Variants in KCNMA1 observed in about 807,000 individuals in gnomAD.
The protein encoded by KCNMA1 is potassium calcium-activated channel subfamily M alpha 1.
Under a neutral mutation model 140.0 loss-of-function variants are expected in KCNMA1, and 29 were observed. The ratio of observed to expected loss-of-function variants is 0.21; its 90% confidence interval spans 0.15 to 0.28. The LOEUF is 0.28. Among genes scored for constraint, KCNMA1 ranks in the 10% least tolerant of loss-of-function variants. The pLI, the probability that KCNMA1 is intolerant of heterozygous loss-of-function variation, is 1.00. For synonymous variants in KCNMA1, 612 were observed against 611.9 expected (o/e 1.00, Z 0.00); for missense variants, 880 against 1,602.2 (o/e 0.55, Z 7.70).
At chr10:76,908,520 AC>A (rs1444947739) in intron 25 of KCNMA1, among the ~76,000 whole-genome samples, 8 of 152,250 alleles carry the variant, frequency 5.3e-5, no homozygotes, top group Non-Finnish European at 1.0e-4. Context: ...ATACAGAATA[AC>A]CCAAATTAGT....
intron 5 of KCNMA1, among the ~76,000 whole-genome samples, chr10:77,159,410 T>C (rs1044563105): frequency 6.6e-6 from 1 of 152,162 alleles, no homozygotes; most frequent in South Asian, 2.1e-4. Flanking sequence ...ATGGGAAAGA[T>C]GGGCTTATGT....
At chr10:77,303,612 C>T (rs911573852) in intron 2 of KCNMA1, among the ~76,000 whole-genome samples, 11 of 152,186 alleles carry the variant, frequency 7.2e-5, no homozygotes, top group Non-Finnish European at 8.8e-5. Flanking sequence ...GCTTCCTCCA[C>T]CTTCCACTGT....
At chr10:77,243,879 G>A (rs1448322516) in intron 3 of KCNMA1, among the ~76,000 whole-genome samples, 1 of 152,096 alleles carries the variant, frequency 6.6e-6, no homozygotes, top group Non-Finnish European at 1.5e-5. Context: ...ATTAGTAGGA[G>A]GGTCATAAAA....
intron 25 of KCNMA1, among the ~76,000 whole-genome samples, chr10:76,896,460 G>A (rs34209871): frequency 0.29 from 43,952 of 152,006 alleles, 7,591 homozygotes; most frequent in Non-Finnish European, 0.38. Flanking sequence ...TGCAGTTAAC[G>A]GAATCATCAC....
intron 1 of KCNMA1, among the ~76,000 whole-genome samples, chr10:77,540,333 T>G (rs923733351): frequency 6.6e-6 from 1 of 152,224 alleles, no homozygotes; most frequent in Non-Finnish European, 1.5e-5. Context: ...GAGCACCTAC[T>G]GTGGGCTAAG....
At chr10:77,291,151 C>A (rs1026238943) in intron 2 of KCNMA1, among the ~76,000 whole-genome samples, 1 of 152,190 alleles carries the variant, frequency 6.6e-6, no homozygotes, top group Non-Finnish European at 1.5e-5. Flanking sequence ...CCAAGGGTTT[C>A]TGCCTTCCTT....
chr10:76,960,866 G>A (rs1351147291), intron 20 of KCNMA1, among the ~76,000 whole-genome samples: 1 of 151,876 alleles, frequency 6.6e-6, no homozygotes, highest in South Asian at 2.1e-4. Context: ...TTTTAATCCT[G>A]CTGTTGAGAC....
chr10:77,301,893 G>A (rs1464470631), intron 2 of KCNMA1, among the ~76,000 whole-genome samples: 4 of 150,828 alleles, frequency 2.7e-5, no homozygotes, highest in Non-Finnish European at 5.9e-5. Context: ...TCAGAAAGCA[G>A]AGTCCCAGAG....
intron 6 of KCNMA1, 134 bp downstream of exon 6, chr10:77,120,839 C>G: frequency 1.5e-6 from 1 of 676,588 alleles, no homozygotes; most frequent in Non-Finnish European, 2.7e-6. Flanking sequence ...TTCTCTCCCT[C>G]TCTGTGTTAG....
At chr10:77,138,887 C>T (rs2098110233) in intron 5 of KCNMA1, among the ~76,000 whole-genome samples, 1 of 152,192 alleles carries the variant, frequency 6.6e-6, no homozygotes, top group Non-Finnish European at 1.5e-5. Flanking sequence ...TGGAGGTCTT[C>T]TCTGACCACC....
At chr10:77,403,032 C>A (rs1236585528) in intron 2 of KCNMA1, among the ~76,000 whole-genome samples, 1 of 152,218 alleles carries the variant, frequency 6.6e-6, no homozygotes, top group Admixed American at 6.5e-5. Flanking sequence ...TTGCCCAGGA[C>A]TTTCCCAGTT....
intron 1 of KCNMA1, among the ~76,000 whole-genome samples, chr10:77,480,352 G>A (rs1337954161): frequency 6.6e-6 from 1 of 152,118 alleles, no homozygotes; most frequent in African/African-American, 2.4e-5. Context: ...GTGACCCAGG[G>A]CTCCAGCAGG....
At chr10:76,876,916 C>G (rs930707246), downstream of KCNMA1, 1 of 152,474 alleles carries the variant, frequency 6.6e-6, no homozygotes, top group Non-Finnish European at 1.5e-5. Flanking sequence ...GGAGTCTCCA[C>G]CACTAGAACA....
At chr10:77,053,763 C>G (rs1362399236) in intron 14 of KCNMA1, among the ~76,000 whole-genome samples, 2 of 152,178 alleles carry the variant, frequency 1.3e-5, no homozygotes, top group Admixed American at 6.5e-5. Flanking sequence ...GAAAGCCAAA[C>G]AGCACCTACC....
chr10:77,473,231 C>A (rs558019291), intron 1 of KCNMA1, among the ~76,000 whole-genome samples: 1 of 152,350 alleles, frequency 6.6e-6, no homozygotes, highest in Admixed American at 6.5e-5. Flanking sequence ...AACTGGCCAA[C>A]TTTCATCTCA....
chr10:76,992,449 C>T (rs1270735743), intron 19 of KCNMA1, among the ~76,000 whole-genome samples: 1 of 152,136 alleles, frequency 6.6e-6, no homozygotes, highest in Non-Finnish European at 1.5e-5. Flanking sequence ...GGAAAAAGGT[C>T]AGCTGGGGAA....
chr10:77,129,455 G>C (rs892336103), intron 5 of KCNMA1, among the ~76,000 whole-genome samples: 2 of 152,034 alleles, frequency 1.3e-5, no homozygotes, highest in African/African-American at 4.8e-5. Context: ...CCGTTAATCC[G>C]AGTAATCACT....
chr10:77,178,795 GAC>G (rs1408495546), intron 5 of KCNMA1, among the ~76,000 whole-genome samples: 2 of 152,200 alleles, frequency 1.3e-5, no homozygotes, highest in Non-Finnish European at 2.9e-5. Context: ...AAGAGAATGA[GAC>G]AGACGGACAT....
intron 2 of KCNMA1, among the ~76,000 whole-genome samples, chr10:77,347,626 A>G (rs566935061): frequency 9.2e-5 from 14 of 152,148 alleles, no homozygotes; most frequent in Non-Finnish European, 1.9e-4. Context: ...TCCTTCCTCC[A>G]TAAGACAAGG....
Sources: allele counts gnomAD v4.1 joint callset (sites outside exome capture counted in the v4.1 genomes callset), GRCh38; gene constraint gnomAD v4.1.1; transcripts MANE v1.5; gene names NCBI Gene and HGNC (gene_info 2026-07-23, HGNC 2026-07-21).